ESR2: variants seen among roughly 807,000 people sequenced by gnomAD.
ESR2 encodes estrogen receptor beta.
ESR2 carries 36 observed loss-of-function variants against 49.6 expected under a neutral mutation model. The observed-to-expected ratio is 0.73, with a 90% CI of 0.56 to 0.96. The LOEUF (loss-of-function observed/expected upper bound fraction) is 0.96, where lower values mean the gene tolerates loss of function less well. ESR2 is among the 40% of genes least tolerant of loss of function. The pLI, the probability that ESR2 is intolerant of heterozygous loss-of-function variation, is 0.00. For missense variants in ESR2, 714 were observed against 693.0 expected (o/e 1.03, Z -0.34); for synonymous variants, 320 against 266.1 (o/e 1.20, Z -1.97).
intron 1 of ESR2, among the ~76,000 whole-genome samples, chr14:64,325,026 A>C (rs2077371299): frequency 1.3e-5 from 2 of 152,188 alleles, no homozygotes; most frequent in South Asian, 4.1e-4. Context: ...TTGCTGAGTC[A>C]CAGGGTAGGA....
At chr14:64,308,713 T>G (rs1354362028) in intron 1 of ESR2, among the ~76,000 whole-genome samples, 2 of 152,170 alleles carry the variant, frequency 1.3e-5, no homozygotes, top group Non-Finnish European at 2.9e-5. Context: ...TTTTTATGAT[T>G]GTATGTCATA....
chr14:64,309,594 T>G (rs2077158580), intron 1 of ESR2, among the ~76,000 whole-genome samples: 8 of 96,648 alleles, frequency 8.3e-5, no homozygotes, highest in African/African-American at 1.7e-4. Flanking sequence ...GCAACAAGAG[T>G]GAAACTCCAT....
intron 4 of ESR2, among the ~76,000 whole-genome samples, chr14:64,262,566 G>A (rs934703323): frequency 1.3e-5 from 2 of 151,564 alleles, no homozygotes; most frequent in African/African-American, 4.8e-5. Context: ...TCAAGAACAC[G>A]TTACAAAACA....
chr14:64,269,698 G>T (rs1324990041), intron 3 of ESR2, among the ~76,000 whole-genome samples: 3 of 152,194 alleles, frequency 2.0e-5, no homozygotes, highest in African/African-American at 7.2e-5. Context: ...ATGAAGTAGA[G>T]CTACTCTAAA....
intron 4 of ESR2, 21 bp from the exon 5 acceptor site, chr14:64,260,769 A>G: frequency 2.1e-6 from 3 of 1,438,726 alleles, no homozygotes. Flanking sequence ...AAGCAGAGTC[A>G]TTCGAATTGC....
chr14:64,275,456 T>C (rs1596442722), intron 3 of ESR2, among the ~76,000 whole-genome samples: 1 of 152,166 alleles, frequency 6.6e-6, no homozygotes, highest in African/African-American at 2.4e-5. Flanking sequence ...TTATTTTCAA[T>C]CTACATGTGT....
chr14:64,236,051 G>T (rs372214501), intron 7 of ESR2, among the ~76,000 whole-genome samples: 17 of 152,212 alleles, frequency 1.1e-4, no homozygotes, highest in African/African-American at 4.1e-4. Context: ...AGTCTTGGCT[G>T]TCATGAGACT....
At chr14:64,311,457 T>G (rs1250342870) in intron 1 of ESR2, among the ~76,000 whole-genome samples, 1 of 151,764 alleles carries the variant, frequency 6.6e-6, no homozygotes, top group Non-Finnish European at 1.5e-5. Context: ...CTGGCCAACA[T>G]GGTGATACCC....
At chr14:64,338,230 C>T (rs199679543), upstream of ESR2, 227 of 155,594 alleles carry the variant, frequency 1.5e-3, no homozygotes, top group Non-Finnish European at 2.4e-3. Flanking sequence ...GGGGTGACCC[C>T]AACACAGAGG....
At chr14:64,269,047 G>A in intron 3 of ESR2, 136 bp from the exon 4 acceptor site, 1 of 590,106 alleles carries the variant, frequency 1.7e-6, no homozygotes, top group South Asian at 2.3e-5. Context: ...CAGGTACAAA[G>A]CCAAAGTCAA....
chr14:64,288,903 T>C (rs2076824819), intron 1 of ESR2, among the ~76,000 whole-genome samples: 2 of 150,246 alleles, frequency 1.3e-5, no homozygotes, highest in South Asian at 4.2e-4. Flanking sequence ...GGAGAATCGC[T>C]TGAACCCAGG....
intron 4 of ESR2, among the ~76,000 whole-genome samples, 154 bp downstream of exon 4, chr14:64,268,641 G>A (rs1320778451): frequency 6.6e-6 from 1 of 152,134 alleles, no homozygotes; most frequent in Non-Finnish European, 1.5e-5. Context: ...CAGTTACTGT[G>A]GATAAGTCAA....
downstream of ESR2, chr14:64,228,076 AT>A: frequency 7.3e-7 from 1 of 1,366,300 alleles, no homozygotes; most frequent in African/African-American, 1.5e-5. Context: ...CAAGTGTGAG[AT>A]TAGCTGACTA....
chr14:64,233,634 T>A lies in ESR2; in HGVS notation c.1407-311A>T, dbSNP rs558861437. ...ACTGTGAACACTGAATCCTCACTCA[T>A]AGGGGAAATACAGGGTTAGGTTCCT... On this transcript the variant is annotated intron_variant, in intron 8 of 8. Transcript: ENST00000341099. 5 of 302,570 alleles carry A rather than the reference T, an allele frequency of 1.7e-5. No individual in the cohort carries two copies. In the East Asian group the frequency reaches 3.0e-4, roughly 18 times the overall value. 18.7% of individuals were successfully genotyped at this position (302,570 alleles called of 1,614,324 possible).
chr14:64,249,417 G>A (rs1369026767), intron 7 of ESR2, 129 bp downstream of exon 7: 5 of 1,078,280 alleles, frequency 4.6e-6, no homozygotes, highest in East Asian at 2.7e-5. Flanking sequence ...AAATAAAAAC[G>A]AAGTCCAAAA....
chr14:64,229,701 C>T lies in ESR2; in HGVS notation c.*3436G>A, dbSNP rs185946022. ...CTCAATCACCTACTCCCCACGTGAC[C>T]TTCAGCAAGTTTGCTTAGACCGTGT... On this transcript the variant is annotated 3_prime_UTR_variant, in exon 9 of 9. Transcript: ENST00000341099. 6.6e-6 allele frequency among the ~76,000 whole-genome samples: 1 copy of T among 152,302 alleles called. No individual in the cohort carries two copies. Among genetic ancestry groups the T allele is most frequent in the Non-Finnish European group, 1.5e-5 (1 of 68,020 alleles).
chr14:64,323,990 C>A (rs571807657), intron 1 of ESR2, among the ~76,000 whole-genome samples: 219 of 152,312 alleles, frequency 1.4e-3, no homozygotes, highest in African/African-American at 5.0e-3. Flanking sequence ...CTGCCCCCAG[C>A]CAGTCCTATA....
upstream of ESR2, among the ~76,000 whole-genome samples, chr14:64,294,591 A>T (rs977858442): frequency 1.1e-4 from 17 of 152,094 alleles, no homozygotes; most frequent in Non-Finnish European, 1.6e-4. Context: ...TCTCAGATTT[A>T]AGAGGTCTGG....
chr14:64,338,260 T>C, upstream of ESR2: 1 of 155,592 alleles, frequency 6.4e-6, no homozygotes, highest in Non-Finnish European at 1.5e-5. Flanking sequence ...GCGCTCCAGC[T>C]CTGACACTCC....
Sources: allele counts gnomAD v4.1 joint callset (sites outside exome capture counted in the v4.1 genomes callset), GRCh38; gene constraint gnomAD v4.1.1; transcripts MANE v1.5; gene names NCBI Gene and HGNC (gene_info 2026-07-23, HGNC 2026-07-21).